The following LINGO1 variants were observed in gnomAD, a reference collection of about 807,000 sequenced individuals.
LINGO1 encodes the protein leucine rich repeat and Ig domain containing 1.
In LINGO1, 11 loss-of-function variants were observed where a neutral mutation model predicts 37.3. The observed-to-expected ratio is 0.29, with a 90% CI of 0.19 to 0.49. The LOEUF is 0.49. Among genes scored for constraint, LINGO1 ranks in the 20% least tolerant of loss-of-function variants. LINGO1 has a pLI of 0.99. For synonymous variants in LINGO1, 387 were observed against 403.0 expected, an observed-to-expected ratio of 0.96 and a Z score of 0.48; for missense variants, 585 against 878.2, an observed-to-expected ratio of 0.67 and a Z score of 4.22.
chr15:77,738,353 G>A (rs1432070825), intron 1 of LINGO1, among the ~76,000 whole-genome samples: 4 of 152,068 alleles, frequency 2.6e-5, no homozygotes, highest in Non-Finnish European at 2.9e-5. Context: ...CAAAGCCTTC[G>A]AGGCCCTGCC....
At chr15:77,762,171 C>T (rs1186341295) in intron 1 of LINGO1, among the ~76,000 whole-genome samples, 3 of 152,184 alleles carry the variant, frequency 2.0e-5, no homozygotes, top group Admixed American at 6.5e-5. Flanking sequence ...GCAGTCCTTG[C>T]TGGGGGAAGG....
upstream of LINGO1, among the ~76,000 whole-genome samples, chr15:77,633,810 C>T (rs1567474160): frequency 6.6e-6 from 1 of 152,196 alleles, no homozygotes; most frequent in Admixed American, 6.5e-5. Context: ...CCTCCTTGAT[C>T]CTCAGATACA....
intron 1 of LINGO1, among the ~76,000 whole-genome samples, chr15:77,808,458 C>T (rs879320697): frequency 3.9e-5 from 6 of 152,164 alleles, no homozygotes; most frequent in African/African-American, 1.2e-4. Flanking sequence ...GCCCTAGACC[C>T]GAATGCTGGC....
chr15:77,768,556 A>C (rs754568698), intron 1 of LINGO1, among the ~76,000 whole-genome samples: 1 of 152,108 alleles, frequency 6.6e-6, no homozygotes, highest in African/African-American at 2.4e-5. Context: ...GCCCTGGTTT[A>C]CTCACAGGGA....
chr15:77,778,858 C>T (rs572720995), intron 1 of LINGO1, among the ~76,000 whole-genome samples: 15 of 152,256 alleles, frequency 9.9e-5, no homozygotes, highest in South Asian at 4.2e-4. Flanking sequence ...TAAAACCCTG[C>T]GGTGACTCCA....
chr15:77,749,766 G>GC (rs1355478358), intron 1 of LINGO1, among the ~76,000 whole-genome samples: 1 of 152,210 alleles, frequency 6.6e-6, no homozygotes, highest in East Asian at 1.9e-4. Flanking sequence ...TCAGTTATTG[G>GC]CCATAGAGTT....
At chr15:77,798,556 C>T (rs2141458444) in intron 1 of LINGO1, among the ~76,000 whole-genome samples, 1 of 152,384 alleles carries the variant, frequency 6.6e-6, no homozygotes, top group Non-Finnish European at 1.5e-5. Flanking sequence ...GGAAATGGGG[C>T]CACAGGCAGA....
chr15:77,707,698 TG>T (rs1228913192), intron 2 of LINGO1, among the ~76,000 whole-genome samples: 5 of 152,212 alleles, frequency 3.3e-5, no homozygotes, highest in African/African-American at 1.2e-4. Flanking sequence ...TGTGACGTTC[TG>T]CAACCACTGG....
rs576070574 is a variant in LINGO1 at position 77,687,100 on chromosome 15, G to C, written c.-99+3620C>G. On this transcript the variant is annotated intron_variant, in intron 2 of 3. Coordinates refer to the LINGO1 transcript ENST00000559893. Reference sequence around the variant, plus strand: ...GGGCCAGGATCAGGGCTCGGTGTAGGACCAGGATCAAGGTTAAGTCTGTTC... The same window carrying C: ...GGGCCAGGATCAGGGCTCGGTGTAGCACCAGGATCAAGGTTAAGTCTGTTC... Among the ~76,000 whole-genome samples, 11 of 152,246 alleles carry C rather than the reference G, an allele frequency of 7.2e-5. No individual in the cohort carries two copies. The East Asian group carries it at 7.7e-4, about 11-fold the overall frequency.
chr15:77,699,774 T>TCTGCACACAG (rs2075757887), upstream of LINGO1, among the ~76,000 whole-genome samples: 5 of 9,088 alleles, frequency 5.5e-4, no homozygotes, highest in East Asian at 3.4e-3. Context: ...CTAACCATCA[T>TCTGCACACAG]TCCCCCCCTC....
chr15:77,800,184 TC>T (rs1159378093), intron 1 of LINGO1, among the ~76,000 whole-genome samples: 1 of 152,044 alleles, frequency 6.6e-6, no homozygotes, highest in African/African-American at 2.4e-5. Flanking sequence ...GGCCAGGGCC[TC>T]CCCTTCCAGC....
At chr15:77,628,858 C>G (rs981657652) in intron 1 of LINGO1, among the ~76,000 whole-genome samples, 2 of 152,208 alleles carry the variant, frequency 1.3e-5, no homozygotes, top group African/African-American at 4.8e-5. Context: ...CGCCACCTCT[C>G]TGGCTCTGTT....
rs28575624 is a variant in LINGO1 at position 77,628,504 on chromosome 15, T to A, written c.6+3806A>T. Among the ~76,000 whole-genome samples the A allele has an allele frequency of 4.9e-3, 746 of 152,154 alleles. 6 individuals are homozygous for A. The highest frequency in any genetic ancestry group is 0.017 in the African/African-American group (715 of 41,480). On this transcript the variant is annotated intron_variant, in intron 1 of 1. Coordinates refer to ENST00000355300, the MANE Select transcript of LINGO1 (RefSeq NM_032808.7). ...TATAAAGTTCAAAAATAACTAAAAC[T>A]GAACTACTTATATATGTTAAAATAT... is the stretch of plus-strand genomic sequence containing the variant.
At chr15:77,709,085 C>A (rs1017506318) in intron 2 of LINGO1, among the ~76,000 whole-genome samples, 25 of 152,184 alleles carry the variant, frequency 1.6e-4, no homozygotes, top group African/African-American at 5.8e-4. Context: ...GAGAGCACGG[C>A]CCTGCACCTT....
intron 1 of LINGO1, among the ~76,000 whole-genome samples, chr15:77,810,760 G>A (rs950410842): frequency 3.3e-5 from 5 of 152,178 alleles, no homozygotes; most frequent in African/African-American, 7.2e-5. Flanking sequence ...TCCAAGCATC[G>A]GAGAGTACTG....
At chr15:77,666,397 G>A (rs752346660) in intron 3 of LINGO1, among the ~76,000 whole-genome samples, 4 of 152,206 alleles carry the variant, frequency 2.6e-5, no homozygotes, top group African/African-American at 7.2e-5. Flanking sequence ...TGGGGCCTGC[G>A]TAATATGGGG....
At chr15:77,763,153 C>T (rs189733486) in intron 1 of LINGO1, among the ~76,000 whole-genome samples, 4 of 152,280 alleles carry the variant, frequency 2.6e-5, no homozygotes, top group East Asian at 1.9e-4. Context: ...GTGGGATCGG[C>T]GGGCACAACA....
At chr15:77,647,017 A>C (rs1342282969) in intron 3 of LINGO1, among the ~76,000 whole-genome samples, 1 of 150,026 alleles carries the variant, frequency 6.7e-6, no homozygotes, top group Non-Finnish European at 1.5e-5. Flanking sequence ...TGGTGAAGTG[A>C]GCAGTGGAAC....
chr15:77,749,200 G>A (rs149283462), intron 1 of LINGO1, among the ~76,000 whole-genome samples: 21 of 152,162 alleles, frequency 1.4e-4, no homozygotes, highest in African/African-American at 4.1e-4. Context: ...GAGCCACTGC[G>A]CCCGGCCCCC....
Sources: allele counts gnomAD v4.1 joint callset (sites outside exome capture counted in the v4.1 genomes callset), GRCh38; gene constraint gnomAD v4.1.1; transcripts MANE v1.5; gene names NCBI Gene and HGNC (gene_info 2026-07-23, HGNC 2026-07-21).